The following CUX1 variants were observed in gnomAD, a reference collection of about 807,000 sequenced individuals.
The protein encoded by CUX1 is protein CASP.
A neutral mutation model predicts 158.8 loss-of-function variants in CUX1; 31 were observed. The observed-to-expected ratio is 0.20, with a 90% confidence interval of 0.15 to 0.26. CUX1 has a LOEUF of 0.26. CUX1 is among the 10% of genes least tolerant of loss of function. CUX1 has a pLI of 1.00. For missense variants in CUX1, 1,589 were observed against 2,014.6 expected, an observed-to-expected ratio of 0.79 and a Z score of 4.04; for synonymous variants, 879 against 862.1, an observed-to-expected ratio of 1.02 and a Z score of -0.34.
In CUX1 at chr7:101,849,981, C is replaced by T. The variant is rs573445014; in HGVS notation, c.30+32312C>T. 1.9e-4 allele frequency among the ~76,000 whole-genome samples: 27 copies of T among 144,060 alleles called. 1 individual carries two copies. In the South Asian group the frequency reaches 3.3e-3, roughly 17 times the overall value. The allele number at this position is 144,060 out of a possible 152,430, so 94.5% of individuals were successfully genotyped here. A position where few individuals can be genotyped will look rare whatever the true frequency, so the allele number is the denominator to read the frequency against. ...TCGCCCAGGCTGGAGTGCAGTGGCG[C>T]GATCTAGATCTTGGCTCACTGCAAC... On this transcript the variant is annotated intron_variant, in intron 1 of 23. Coordinates refer to ENST00000292535, the MANE Select transcript of CUX1 (RefSeq NM_181552.4).
intron 3 of CUX1, among the ~76,000 whole-genome samples, chr7:102,032,530 A>T (rs1452685245): frequency 2.6e-5 from 4 of 151,998 alleles, no homozygotes; most frequent in African/African-American, 9.7e-5. Flanking sequence ...TTAGGCGGGC[A>T]TGATGGCATG....
At chr7:102,030,691 G>GTTTT (rs71119801) in intron 3 of CUX1, among the ~76,000 whole-genome samples, 3 of 119,386 alleles carry the variant, frequency 2.5e-5, no homozygotes, top group Middle Eastern at 4.8e-3. Context: ...TTTAAAAAGT[G>GTTTT]TTTTTTTTTT....
intron 20 of CUX1, among the ~76,000 whole-genome samples, chr7:102,223,115 T>C (rs1554527615): frequency 6.6e-6 from 1 of 151,376 alleles, no homozygotes. Flanking sequence ...GGGCACCATA[T>C]TTTACCTGTG....
chr7:102,015,955 G>A (rs1301758426), intron 2 of CUX1, among the ~76,000 whole-genome samples: 1 of 152,172 alleles, frequency 6.6e-6, no homozygotes, highest in Non-Finnish European at 1.5e-5. Context: ...TGGGATTACA[G>A]GCACATGCCA....
chr7:102,012,023 G>C (rs539660393), intron 2 of CUX1, among the ~76,000 whole-genome samples: 1 of 152,096 alleles, frequency 6.6e-6, no homozygotes, highest in African/African-American at 2.4e-5. Flanking sequence ...TGGCCATGCT[G>C]GTTGACGCTT....
At chr7:101,848,051 C>CAAAAAAAAAAAAAAAAAAAAAA (rs57428019) in intron 1 of CUX1, among the ~76,000 whole-genome samples, 4 of 65,378 alleles carry the variant, frequency 6.1e-5, no homozygotes, top group South Asian at 6.0e-4. Flanking sequence ...GAGCAAGACT[C>CAAAAAAAAAAAAAAAAAAAAAA]AAAAAAAAAA....
chr7:102,232,981 C>G (rs1172882154), intron 21 of CUX1, among the ~76,000 whole-genome samples: 3 of 152,258 alleles, frequency 2.0e-5, no homozygotes, highest in East Asian at 1.9e-4. Context: ...TTGCCTGCCC[C>G]GTTTTCTCAG....
At chr7:101,955,323 TAGCA>T (rs1230104440) in intron 2 of CUX1, among the ~76,000 whole-genome samples, 1 of 152,198 alleles carries the variant, frequency 6.6e-6, no homozygotes, top group Non-Finnish European at 1.5e-5. Context: ...TCAGTGATAT[TAGCA>T]AGCACCTGCT....
chr7:102,186,544 C>T (rs553229151), intron 11 of CUX1, among the ~76,000 whole-genome samples: 62 of 151,834 alleles, frequency 4.1e-4, no homozygotes, highest in African/African-American at 1.3e-3. Flanking sequence ...CGTTGTTGTG[C>T]AATCATAGTG....
intron 1 of CUX1, among the ~76,000 whole-genome samples, chr7:101,891,367 C>A (rs142206090): frequency 3.9e-5 from 6 of 152,144 alleles, no homozygotes; most frequent in Admixed American, 1.3e-4. Context: ...CACAGGTGCT[C>A]ACCACCAGGC....
intron 2 of CUX1, among the ~76,000 whole-genome samples, chr7:101,994,871 C>T: frequency 6.8e-6 from 1 of 146,310 alleles, no homozygotes; most frequent in Non-Finnish European, 1.5e-5. Context: ...AGGAGGACCA[C>T]TTGAGCCCAG....
At chr7:101,910,744 C>CA (rs77729111) in intron 1 of CUX1, among the ~76,000 whole-genome samples, 25,381 of 105,918 alleles carry the variant, frequency 0.24, 3,795 homozygotes, top group East Asian at 0.84. Flanking sequence ...AAGACTGTCT[C>CA]AAAAAAAAAA....
chr7:101,841,108 T>C (rs1287551371), intron 1 of CUX1, among the ~76,000 whole-genome samples: 3 of 151,984 alleles, frequency 2.0e-5, no homozygotes, highest in Admixed American at 6.6e-5. Flanking sequence ...TTAGGCAGGA[T>C]GGTCTCGATC....
chr7:101,946,930 G>T (rs1445625019), intron 2 of CUX1, among the ~76,000 whole-genome samples: 1 of 152,136 alleles, frequency 6.6e-6, no homozygotes, highest in Admixed American at 6.5e-5. Context: ...TGAGCTCGGC[G>T]GTGAGAAAAC....
chr7:102,141,985 A>G (rs1554500486), intron 8 of CUX1, among the ~76,000 whole-genome samples: 1 of 151,848 alleles, frequency 6.6e-6, no homozygotes. Context: ...CTTAGGGGAG[A>G]AAGTCATTAG....
At chr7:102,031,092 T>G (rs1360559882) in intron 3 of CUX1, among the ~76,000 whole-genome samples, 1 of 152,172 alleles carries the variant, frequency 6.6e-6, no homozygotes, top group Non-Finnish European at 1.5e-5. Context: ...AGGGTCTTGC[T>G]CTGTCCCCCA....
At chr7:102,231,022 G>A (rs1381863679) in intron 21 of CUX1, among the ~76,000 whole-genome samples, 2 of 108,334 alleles carry the variant, frequency 1.8e-5, no homozygotes, top group Non-Finnish European at 3.5e-5. Context: ...CCCAAGCCCG[G>A]CTATTTTTTT....
At chr7:101,971,865 A>T (rs1434616646) in intron 2 of CUX1, among the ~76,000 whole-genome samples, 1 of 152,224 alleles carries the variant, frequency 6.6e-6, no homozygotes, top group South Asian at 2.1e-4. Flanking sequence ...AAGACAAGAG[A>T]ATTACAGGCC....
chr7:102,047,768 C>G (rs1393590163), intron 3 of CUX1, among the ~76,000 whole-genome samples: 1 of 152,136 alleles, frequency 6.6e-6, no homozygotes, highest in Non-Finnish European at 1.5e-5. Flanking sequence ...CTGCAGATCT[C>G]CCTTCCCTTG....
Sources: allele counts gnomAD v4.1 joint callset (sites outside exome capture counted in the v4.1 genomes callset), GRCh38; gene constraint gnomAD v4.1.1; transcripts MANE v1.5; gene names NCBI Gene and HGNC (gene_info 2026-07-23, HGNC 2026-07-21).